The following N4BP2L2 variants were observed in gnomAD, a reference collection of about 807,000 sequenced individuals.
N4BP2L2 encodes the protein NEDD4-binding protein 2-like 2.
In N4BP2L2, 50 loss-of-function variants were observed where a neutral mutation model predicts 56.2. The observed-to-expected ratio is 0.89, with a 90% confidence interval of 0.71 to 1.13. The LOEUF (loss-of-function observed/expected upper bound fraction) is 1.13. Ranked by LOEUF, N4BP2L2 falls within the 50% of genes most tolerant of loss-of-function variation. The probability of loss-of-function intolerance (pLI) is 0.00; values close to 1 mark genes in which losing one functional copy is unlikely to be tolerated. For synonymous variants in N4BP2L2, 203 were observed against 223.6 expected, an observed-to-expected ratio of 0.91 and a Z score of 0.82; for missense variants, 689 against 693.8, an observed-to-expected ratio of 0.99 and a Z score of 0.08.
chr13:32,473,768 G>A (rs1436548582), intron 6 of N4BP2L2, among the ~76,000 whole-genome samples: 2 of 152,030 alleles, frequency 1.3e-5, no homozygotes, highest in African/African-American at 4.8e-5. Flanking sequence ...CCATAGTCAC[G>A]TTTCCCTCTA....
At chr13:32,470,124 G>A (rs1382961184) in intron 6 of N4BP2L2, among the ~76,000 whole-genome samples, 2 of 152,152 alleles carry the variant, frequency 1.3e-5, no homozygotes, top group Non-Finnish European at 2.9e-5. Context: ...TCTCTCCCCA[G>A]TGCCTGAATG....
intron 6 of N4BP2L2, among the ~76,000 whole-genome samples, chr13:32,494,386 T>G (rs1443314352): frequency 6.6e-6 from 1 of 152,154 alleles, no homozygotes; most frequent in East Asian, 1.9e-4. Context: ...TACCATCAAA[T>G]AGAAACCAAT....
downstream of N4BP2L2, chr13:32,507,751 GC>G (rs2091185978): frequency 6.6e-6 from 1 of 152,166 alleles, no homozygotes; most frequent in South Asian, 2.1e-4. Flanking sequence ...GGTCAGAGAA[GC>G]AGCCAAGGAC....
rs759748083 is a variant in N4BP2L2, at chr13:32,536,732, G to T, written c.296C>A (p.Ser99Ter). The T allele has an allele frequency of 3.3e-5, 53 of 1,613,950 alleles. No homozygotes were observed. The highest frequency in any genetic ancestry group is 4.4e-5 in the Non-Finnish European group (52 of 1,180,014). The change falls in exon 2 of 6, where the codon TCA becomes TAA. Residue 99 changes from serine to a stop codon, truncating the protein, a stop_gained. Coordinates refer to ENST00000267068, the Ensembl canonical transcript of N4BP2L2. LOFTEE classifies it high-confidence loss of function. ...AGGACGTGCTTCCTGTAAAACCTGTGAATCAATGGATTCAATAACATCTGG... is the reference window on the plus strand; with the variant it reads ...AGGACGTGCTTCCTGTAAAACCTGTTAATCAATGGATTCAATAACATCTGG...
chr13:32,443,645 G>A (rs1451739312), exon 7 of N4BP2L2: 15 of 1,611,638 alleles, frequency 9.3e-6, no homozygotes, highest in Non-Finnish European at 1.2e-5. Flanking sequence ...TTTCTAATAT[G>A]CTTTTCTACC....
chr13:32,502,057 C>T, intron 6 of N4BP2L2, among the ~76,000 whole-genome samples: 1 of 147,244 alleles, frequency 6.8e-6, no homozygotes. Flanking sequence ...AGACCTACTA[C>T]AGCATTTTTT....
intron 6 of N4BP2L2, among the ~76,000 whole-genome samples, chr13:32,469,419 G>C (rs1243652692): frequency 6.6e-6 from 1 of 152,192 alleles, no homozygotes; most frequent in Non-Finnish European, 1.5e-5. Context: ...TCAGATGGGT[G>C]TTTATGACTG....
At chr13:32,457,866 CATAAAG>C (rs2079239616) in intron 6 of N4BP2L2, among the ~76,000 whole-genome samples, 1 of 152,018 alleles carries the variant, frequency 6.6e-6, no homozygotes. Flanking sequence ...ACCACCAAAC[CATAAAG>C]ATAAACAATA....
At chr13:32,476,315 A>C (rs1202425840) in intron 6 of N4BP2L2, among the ~76,000 whole-genome samples, 1 of 152,280 alleles carries the variant, frequency 6.6e-6, no homozygotes, top group East Asian at 1.9e-4. Flanking sequence ...CTCTCTAATA[A>C]AGCTGAGACC....
chr13:32,517,677 T>C, exon 6 of N4BP2L2: 1 of 1,426,354 alleles, frequency 7.0e-7, no homozygotes, highest in Non-Finnish European at 9.1e-7. Context: ...TTTAAACAAC[T>C]TGCTGGGAAC....
intron 6 of N4BP2L2, among the ~76,000 whole-genome samples, chr13:32,472,650 A>G (rs2082532237): frequency 6.6e-6 from 1 of 152,154 alleles, no homozygotes; most frequent in African/African-American, 2.4e-5. Context: ...TTGTATTCTG[A>G]AGATGAAGAA....
chr13:32,473,990 A>C (rs1395481584), intron 6 of N4BP2L2, among the ~76,000 whole-genome samples: 1 of 152,190 alleles, frequency 6.6e-6, no homozygotes, highest in Non-Finnish European at 1.5e-5. Flanking sequence ...GCTTACTACA[A>C]ATAGTTTTGT....
exon 6 of N4BP2L2, chr13:32,517,393 T>TGTAG: frequency 1.0e-6 from 1 of 994,626 alleles, no homozygotes; most frequent in Non-Finnish European, 1.2e-6. Context: ...ACCAAGTCAG[T>TGTAG]ATTTCTTGCA....
rs60854435 is a variant in N4BP2L2 at position 32,481,118 on chromosome 13, C to CAAAAAAAAAAAAAA, written c.365+36725_365+36738dup. ...TCAGCAACAGAGTGAGACTCTGTCT[C>CAAAAAAAAAAAAAA]AAAAAAAAAAAAAAAAAAAAAAAAA... On this transcript the variant is annotated intron_variant, in intron 6 of 9. Coordinates refer to the N4BP2L2 transcript ENST00000357505. 5.3e-4 allele frequency among the ~76,000 whole-genome samples: 11 copies of CAAAAAAAAAAAAAA among 20,714 alleles called. 3 individuals carry two copies. Among genetic ancestry groups the CAAAAAAAAAAAAAA allele is most frequent in the African/African-American group, 2.0e-3 (11 of 5,406 alleles). The allele number at this position is 20,714 out of a possible 152,430, so 13.6% of individuals were successfully genotyped here.
intron 6 of N4BP2L2, among the ~76,000 whole-genome samples, chr13:32,473,423 C>A (rs1046244591): frequency 1.3e-5 from 2 of 151,954 alleles, no homozygotes; most frequent in Non-Finnish European, 2.9e-5. Flanking sequence ...TGACTGGATC[C>A]TAGTTTGGGG....
At chr13:32,455,174 C>A (rs952757509) in intron 6 of N4BP2L2, among the ~76,000 whole-genome samples, 1 of 152,216 alleles carries the variant, frequency 6.6e-6, no homozygotes, top group Non-Finnish European at 1.5e-5. Context: ...AATATCCCCC[C>A]ACATCTATCC....
In N4BP2L2 at chr13:32,476,369, A is replaced by G. The variant is rs370169548; in HGVS notation, c.366-32243T>C. On this transcript the variant is annotated intron_variant, in intron 6 of 9. Coordinates refer to the N4BP2L2 transcript ENST00000357505. ...TTTGTCTAAAAGTGAACAGAAACTT[A>G]TCTCTACCCTCCAACCAAAACTGCA... Among the ~76,000 whole-genome samples the G allele has an allele frequency of 2.6e-4, 39 of 152,338 alleles. No homozygotes were observed. The East Asian group carries it at 7.5e-3, about 29-fold the overall frequency.
At chr13:32,454,597 TTA>T (rs2078648352) in intron 6 of N4BP2L2, among the ~76,000 whole-genome samples, 1 of 152,082 alleles carries the variant, frequency 6.6e-6, no homozygotes, top group Non-Finnish European at 1.5e-5. Flanking sequence ...GACAAAGACT[TTA>T]TGTTAACTAT....
At chr13:32,460,369 T>C (rs1383744956) in intron 6 of N4BP2L2, among the ~76,000 whole-genome samples, 1 of 152,162 alleles carries the variant, frequency 6.6e-6, no homozygotes, top group African/African-American at 2.4e-5. Flanking sequence ...CAAATTGTCT[T>C]TGTTTGCACA....
Sources: allele counts gnomAD v4.1 joint callset (sites outside exome capture counted in the v4.1 genomes callset), GRCh38; gene constraint gnomAD v4.1.1; transcripts MANE v1.5; gene names NCBI Gene and HGNC (gene_info 2026-07-23, HGNC 2026-07-21).